Variants in ARSK observed in about 807,000 individuals in gnomAD.
The protein encoded by ARSK is arylsulfatase family member K.
Under a neutral mutation model 53.2 loss-of-function variants are expected in ARSK, and 37 were observed. The ratio of observed to expected loss-of-function variants is 0.70; its 90% CI spans 0.54 to 0.92. The LOEUF is 0.92. Ranked by LOEUF, ARSK falls within the 40% of genes least tolerant of loss-of-function variation. ARSK has a pLI of 0.00. For missense variants in ARSK, 613 were observed against 643.0 expected (o/e 0.95, Z 0.51); for synonymous variants, 208 against 223.2 (o/e 0.93, Z 0.61).
chr5:95,566,772 C>G (rs978022060), intron 2 of ARSK, among the ~76,000 whole-genome samples: 1 of 152,016 alleles, frequency 6.6e-6, no homozygotes, highest in Non-Finnish European at 1.5e-5. Context: ...TTTTCCTTTT[C>G]CCCTGTCTTC....
intron 4 of ARSK, among the ~76,000 whole-genome samples, chr5:95,585,247 C>T (rs1749093257): frequency 6.6e-6 from 1 of 152,128 alleles, no homozygotes; most frequent in African/African-American, 2.4e-5. Context: ...AGTACAACCA[C>T]GATGGAAAAC....
intron 4 of ARSK, among the ~76,000 whole-genome samples, chr5:95,584,112 T>C (rs988126946): frequency 1.3e-5 from 2 of 152,238 alleles, no homozygotes; most frequent in Non-Finnish European, 2.9e-5. Flanking sequence ...TTGTCACTTT[T>C]CCTTTTTTTA....
Position 95,591,476 on chromosome 5 carries a change from A to G in ARSK, c.947A>G (p.Glu316Gly), listed in dbSNP as rs372156532. The change falls in exon 6 of 8, where the codon GAG (glutamate) becomes GGG (glycine). Residue 316 changes from glutamate to glycine, a missense_variant. Transcript: ENST00000380009. ...TIVIYSSDHGELAMEHRQFYK... is the reference protein window; with the variant it reads ...TIVIYSSDHGGLAMEHRQFYK... ...GTCATATACTCCTCAGACCATGGAG[A>G]GCTGGCCATGGAACATCGACAGTTT... The G allele has an allele frequency of 6.2e-7, 1 of 1,614,134 alleles. No individual in the cohort carries two copies. The highest frequency in any genetic ancestry group is 8.5e-7 in the Non-Finnish European group (1 of 1,179,994).
At chr5:95,583,692 A>G in intron 4 of ARSK, among the ~76,000 whole-genome samples, 1 of 152,190 alleles carries the variant, frequency 6.6e-6, no homozygotes, top group South Asian at 2.1e-4. Context: ...TTGAGAATTA[A>G]AGAGGGAATT....
intron 3 of ARSK, among the ~76,000 whole-genome samples, chr5:95,569,830 G>A (rs1263923170): frequency 5.3e-5 from 8 of 152,200 alleles, no homozygotes; most frequent in Non-Finnish European, 1.5e-5. Flanking sequence ...TGCTCTCCTA[G>A]TTACTGTTTA....
At chr5:95,602,620 C>T (rs1006771346) in intron 7 of ARSK, among the ~76,000 whole-genome samples, 8 of 152,134 alleles carry the variant, frequency 5.3e-5, no homozygotes, top group African/African-American at 1.9e-4. Context: ...CTAGTTATAT[C>T]CCTGTCTTCC....
chr5:95,555,412 C>T lies in ARSK; in HGVS notation c.126+8C>T. On this transcript the variant is annotated splice_region_variant and intron_variant, in intron 1 of 7. Transcript: ENST00000380009. This position sits in a 1 kb window ranked among gnomAD's most constrained non-coding sequence, Gnocchi z 4.0. The stretch of plus-strand genomic sequence containing the variant: ...GTCGTGAGCGACTCCTTCGTAAGTA[C>T]CGCGAGGCAGGGGAGGGGCGCCCCG... The T allele has an allele frequency of 1.3e-6, 2 of 1,598,058 alleles. No individual in the cohort carries two copies. Among genetic ancestry groups the T allele is most frequent in the Non-Finnish European group, 1.7e-6 (2 of 1,170,840 alleles).
At chr5:95,570,230 C>A (rs183902742) in intron 3 of ARSK, among the ~76,000 whole-genome samples, 23 of 152,280 alleles carry the variant, frequency 1.5e-4, no homozygotes, top group African/African-American at 4.8e-4. Context: ...ATGATCTAGC[C>A]CCTGTCTACC....
chr5:95,594,218 T>C (rs1420353410), intron 6 of ARSK, among the ~76,000 whole-genome samples: 2 of 152,156 alleles, frequency 1.3e-5, no homozygotes, highest in East Asian at 3.8e-4. Context: ...CCAGTGATAA[T>C]GGTAGAAAGA....
chr5:95,588,627 T>C (rs1401686758), intron 5 of ARSK, among the ~76,000 whole-genome samples: 3 of 152,152 alleles, frequency 2.0e-5, no homozygotes, highest in Non-Finnish European at 2.9e-5. Flanking sequence ...AGGCACTATG[T>C]TGGGCACTGG....
At chr5:95,589,224 T>C (rs1224887342) in intron 5 of ARSK, among the ~76,000 whole-genome samples, 1 of 152,196 alleles carries the variant, frequency 6.6e-6, no homozygotes, top group Non-Finnish European at 1.5e-5. Flanking sequence ...TATTCGTCTG[T>C]TTACCATCTG....
chr5:95,587,139 C>T (rs1009483862), intron 5 of ARSK, among the ~76,000 whole-genome samples: 1 of 152,134 alleles, frequency 6.6e-6, no homozygotes, highest in Non-Finnish European at 1.5e-5. Context: ...CTTATAATAA[C>T]CATGAAACAA....
chr5:95,590,670 C>T (rs1306401868), intron 5 of ARSK, among the ~76,000 whole-genome samples: 2 of 152,134 alleles, frequency 1.3e-5, no homozygotes, highest in Non-Finnish European at 2.9e-5. Context: ...ACTCTTCTAC[C>T]CAGATTCAGG....
chr5:95,568,043 C>G lies in ARSK; in HGVS notation c.410C>G (p.Ser137Cys). ...CTGGACTATACTTCAGGACATCACTCCATTAGGTAAAAATAAAACAAAAAT... is the reference window on the plus strand; with the variant it reads ...CTGGACTATACTTCAGGACATCACTGCATTAGGTAAAAATAAAACAAAAAT... ...GKLDYTSGHH[S>C]ISNRVEAWTR... Residue 137 changes from serine (S) to cysteine (C), a missense_variant, in exon 3 of 8, where the codon TCC becomes TGC. Ser to Cys is a moderately radical substitution (Grantham distance 112). Transcript: ENST00000380009. 2 of 1,612,698 alleles carry G rather than the reference C, an allele frequency of 1.2e-6. No homozygotes were observed. The highest frequency in any genetic ancestry group is 1.7e-6 in the Non-Finnish European group (2 of 1,179,452).
Position 95,603,604 on chromosome 5 carries a change from C to T in ARSK, c.*78C>T. 2 of 1,319,822 alleles carry T rather than the reference C, an allele frequency of 1.5e-6. No individual in the cohort carries two copies. The highest frequency in any genetic ancestry group is 2.0e-6 in the Non-Finnish European group (2 of 1,005,602). The allele number at this position is 1,319,822 out of a possible 1,614,324, so 81.8% of individuals were successfully genotyped here. A position where few individuals can be genotyped will look rare whatever the true frequency, so the allele number is the denominator to read the frequency against. ...TCATAATTATGTATTTTAAATGAAA[C>T]AGTTTTAATAATTACCAAGTTTTGG... is the stretch of plus-strand genomic sequence containing the variant. On this transcript the variant is annotated 3_prime_UTR_variant, in exon 8 of 8. Transcript: ENST00000380009.
intron 1 of ARSK, chr5:95,556,418 T>C: frequency 1.7e-6 from 1 of 586,118 alleles, no homozygotes; most frequent in Non-Finnish European, 3.0e-6. Context: ...TGCCATCTTA[T>C]GAATGACAGT....
chr5:95,596,910 TTTG>T (rs1319778314), intron 6 of ARSK, among the ~76,000 whole-genome samples: 21 of 152,232 alleles, frequency 1.4e-4, no homozygotes, highest in African/African-American at 5.1e-4. Flanking sequence ...GCTTAGTTTA[TTTG>T]TGCTTTTGGA....
chr5:95,588,818 T>C (rs1172111811), intron 5 of ARSK, among the ~76,000 whole-genome samples: 2 of 151,944 alleles, frequency 1.3e-5, no homozygotes, highest in Non-Finnish European at 1.5e-5. Context: ...AAAAATTAGC[T>C]GGGTGTGGCA....
At chr5:95,581,027 G>C (rs1345496732) in intron 3 of ARSK, 1 of 768,148 alleles carries the variant, frequency 1.3e-6, no homozygotes, top group East Asian at 6.7e-5. Flanking sequence ...CTCTACTTAA[G>C]TACCAGCAAT....
Sources: allele counts gnomAD v4.1 joint callset (sites outside exome capture counted in the v4.1 genomes callset), GRCh38; gene constraint gnomAD v4.1.1; non-coding constraint Gnocchi (gnomAD v3.1); transcripts MANE v1.5; gene names NCBI Gene and HGNC (gene_info 2026-07-23, HGNC 2026-07-21).